Variants in APOBEC3B observed in about 807,000 individuals in gnomAD.
The protein encoded by APOBEC3B is DNA dC->dU-editing enzyme APOBEC-3B.
A neutral mutation model predicts 53.4 loss-of-function variants in APOBEC3B; 29 were observed. That is an observed-to-expected ratio of 0.54 (90% confidence interval 0.40 to 0.74). APOBEC3B has a LOEUF of 0.74. Ranked by LOEUF, APOBEC3B falls within the 30% of genes least tolerant of loss-of-function variation. The pLI, the probability that APOBEC3B is intolerant of heterozygous loss-of-function variation, is 0.00. For missense variants in APOBEC3B, 347 were observed against 496.2 expected (o/e 0.70, Z 2.86); for synonymous variants, 132 against 184.8 (o/e 0.71, Z 2.32).
At chr22:38,982,760 C>G (rs1396130478) in intron 1 of APOBEC3B, among the ~76,000 whole-genome samples, 2 of 148,872 alleles carry the variant, frequency 1.3e-5, no homozygotes, top group Non-Finnish European at 3.0e-5. Context: ...AGGGTGCTCC[C>G]TCTGTGTGCT....
Position 38,985,901 on chromosome 22 carries a change from C to T in APOBEC3B, c.264C>T (p.Ile88=), listed in dbSNP as rs1923713705. ...NQLPAYKCFQ[I]TWFVSWTPCP... The stretch of plus-strand genomic sequence containing the variant: ...TGCCTGCTTACAAGTGTTTCCAGAT[C>T]ACCTGGTTTGTATCCTGGACCCCCT... Residue 88 remains isoleucine, a synonymous_variant, in exon 3 of 8, where the codon ATC becomes ATT. Transcript: ENST00000333467. The T allele has an allele frequency of 6.2e-7, 1 of 1,600,328 alleles. No homozygotes were observed. The highest frequency in any genetic ancestry group is 1.4e-5 in the African/African-American group (1 of 73,984).
intron 7 of APOBEC3B, 106 bp from the exon 8 acceptor site, chr22:38,992,325 C>G: frequency 6.5e-7 from 1 of 1,538,416 alleles, no homozygotes; most frequent in Non-Finnish European, 8.8e-7. Flanking sequence ...CCACCTCCCG[C>G]ATCCCTCCCT....
At chr22:38,987,991 G>A (rs1448315282) in intron 4 of APOBEC3B, among the ~76,000 whole-genome samples, 2 of 148,466 alleles carry the variant, frequency 1.3e-5, no homozygotes, top group African/African-American at 4.9e-5. Flanking sequence ...CCAGCTACTT[G>A]GGAGGCTGAA....
intron 4 of APOBEC3B, among the ~76,000 whole-genome samples, chr22:38,987,475 C>CCGCCT (rs1923789001): frequency 6.7e-6 from 1 of 148,792 alleles, no homozygotes; most frequent in Non-Finnish European, 1.5e-5. Flanking sequence ...AGGGTGCTCC[C>CCGCCT]TGTATATGCT....
Position 38,986,303 on chromosome 22 carries a change from G to T in APOBEC3B, c.460G>T (p.Ala154Ser). 6.3e-6 allele frequency: 10 copies of T among 1,593,174 alleles called. 2 individuals carry two copies. Among genetic ancestry groups the T allele is most frequent in the Non-Finnish European group, 8.5e-6 (10 of 1,172,220 alleles). ...TTCCCGCTTCTTCATCTCAGAATTT[G>T]CATACTGCTGGGAAAACTTTGTGTA... is the stretch of plus-strand genomic sequence containing the variant. ...RVTIMDYEEFAYCWENFVYNE... is the reference protein window; with the variant it reads ...RVTIMDYEEFSYCWENFVYNE... Residue 154 changes from alanine (A) to serine (S), a missense_variant, in exon 4 of 8, where the codon GCA becomes TCA. Around this residue, in one of 5 missense-constraint regions of APOBEC3B, gnomAD observed 156 missense variants for 166.7 expected, o/e 0.94. Coordinates refer to ENST00000333467, the MANE Select transcript of APOBEC3B (RefSeq NM_004900.5).
intron 4 of APOBEC3B, among the ~76,000 whole-genome samples, chr22:38,988,740 T>TCTTTCTTTCTTTCTTC (rs1569039162): frequency 2.4e-5 from 3 of 127,472 alleles, no homozygotes; most frequent in African/African-American, 6.4e-5. Context: ...TTTCTTTCTT[T>TCTTTCTTTCTTTCTTC]CTTTCTTCCT....
chr22:38,983,015 C>T (rs1463454292), intron 1 of APOBEC3B, among the ~76,000 whole-genome samples: 1 of 148,416 alleles, frequency 6.7e-6, no homozygotes, highest in African/African-American at 2.5e-5. Context: ...GGTCACTCTT[C>T]ATCTTTTAGA....
At chr22:38,989,190 CG>C (rs1923890182) in intron 4 of APOBEC3B, among the ~76,000 whole-genome samples, 1 of 147,800 alleles carries the variant, frequency 6.8e-6, no homozygotes, top group South Asian at 2.2e-4. Flanking sequence ...GGGTCCTCCC[CG>C]GAGGGCCTGA....
In APOBEC3B at chr22:38,988,629, CT is replaced by C. The variant is rs1923831959; in HGVS notation, c.570-826del. 8.9e-5 allele frequency among the ~76,000 whole-genome samples: 13 copies of C among 145,754 alleles called. 2 individuals are homozygous for C. In the South Asian group the frequency reaches 1.4e-3, roughly 16 times the overall value. On this transcript the variant is annotated intron_variant, in intron 4 of 7. Coordinates refer to ENST00000333467, the MANE Select transcript of APOBEC3B (RefSeq NM_004900.5). ...GTGGCAAACAGAGATTCCTTCCTTC[CT>C]TCCTCCCTTCCTTCCTTCCTTCCTT...
rs1346965358 is a variant in APOBEC3B at position 38,985,064 on chromosome 22, G to A, written c.175-748G>A. ...TTACAGAAGGCTGCCACCACGCCCAGTTAATTTTTTCTATTTTTAGTTGAG... is the reference window on the plus strand; with the variant it reads ...TTACAGAAGGCTGCCACCACGCCCAATTAATTTTTTCTATTTTTAGTTGAG... On this transcript the variant is annotated intron_variant, in intron 2 of 7. Transcript: ENST00000333467. Among the ~76,000 whole-genome samples, 6 of 147,326 alleles carry A rather than the reference G, an allele frequency of 4.1e-5. 1 individual carries two copies. Among genetic ancestry groups the A allele is most frequent in the Non-Finnish European group, 7.5e-5 (5 of 66,948 alleles).
Position 38,985,795 on chromosome 22 carries a change from C to T in APOBEC3B, c.175-17C>T, listed in dbSNP as rs1331995286. On this transcript the variant is annotated splice_polypyrimidine_tract_variant and intron_variant, in intron 2 of 7. Transcript: ENST00000333467. ...TCCCCCTCTCAGAGCATCCCCTGCC[C>T]CCTGCTCCTCTCCCAGGTGTATTTC... 6 of 1,583,646 alleles carry T rather than the reference C, an allele frequency of 3.8e-6. No homozygotes were observed. Among genetic ancestry groups the T allele is most frequent in the Non-Finnish European group, 4.3e-6 (5 of 1,167,280 alleles).
Position 38,984,060 on chromosome 22 carries a change from C to A in APOBEC3B, c.18-15C>A. On this transcript the variant is annotated splice_polypyrimidine_tract_variant and intron_variant, in intron 1 of 7. Transcript: ENST00000333467. ...GGGCTCCCTGCATGGGCCGGTTTCT[C>A]TCTTGTGCCTTCAGAAATCCGATGG... 1 of 1,573,672 alleles carries A rather than the reference C, an allele frequency of 6.4e-7. No individual in the cohort carries two copies. The highest frequency in any genetic ancestry group is 8.6e-7 in the Non-Finnish European group (1 of 1,165,098).
chr22:38,992,549 G>A lies in APOBEC3B; in HGVS notation c.*104G>A, dbSNP rs1924054990. The A allele has an allele frequency of 7.5e-6, 12 of 1,606,570 alleles. No individual in the cohort carries two copies. The South Asian group carries it at 1.2e-4, about 16-fold the overall frequency. ...AACAGACCGTTCACCACCATCTCCA[G>A]CTGCTCACAGACACCAGCAAAGCAA... is the stretch of plus-strand genomic sequence containing the variant. On this transcript the variant is annotated 3_prime_UTR_variant, in exon 8 of 8. Transcript: ENST00000333467.
In APOBEC3B at chr22:38,987,135, G is replaced by A. The variant is rs151311607; in HGVS notation, c.569+723G>A. Among the ~76,000 whole-genome samples the A allele has an allele frequency of 2.2e-3, 325 of 148,982 alleles. 20 individuals carry two copies. The highest frequency in any genetic ancestry group is 7.5e-3 in the African/African-American group (308 of 41,030). Reference sequence around the variant, plus strand: ...GAATCCAAACCCAGGACTAACATCAGGGCCAAGACAAGCCTGCCAGGGAGG... The same window carrying A: ...GAATCCAAACCCAGGACTAACATCAAGGCCAAGACAAGCCTGCCAGGGAGG... On this transcript the variant is annotated intron_variant, in intron 4 of 7. Coordinates refer to ENST00000333467, the MANE Select transcript of APOBEC3B (RefSeq NM_004900.5).
intron 2 of APOBEC3B, among the ~76,000 whole-genome samples, chr22:38,985,239 G>GT (rs561781619): frequency 0.011 from 1,625 of 146,058 alleles, 102 homozygotes; most frequent in African/African-American, 0.038. Flanking sequence ...TTTTGTTTTG[G>GT]TTTTTTTTTA....
chr22:38,986,446 C>T (rs368980140), intron 4 of APOBEC3B, 34 bp downstream of exon 4: 4 of 1,582,684 alleles, frequency 2.5e-6, no homozygotes, highest in Non-Finnish European at 3.4e-6. Flanking sequence ...TCATCTCTCT[C>T]CTCTCACCTG....
At chr22:38,983,992 G>A (rs1431239269) in intron 1 of APOBEC3B, 83 bp from the exon 2 acceptor site, 3 of 1,476,584 alleles carry the variant, frequency 2.0e-6, no homozygotes, top group Non-Finnish European at 2.7e-6. Flanking sequence ...GGGCCATCCT[G>A]GGAGCTGTGT....
chr22:38,985,361 C>T (rs1225552311), intron 2 of APOBEC3B, among the ~76,000 whole-genome samples: 1 of 148,514 alleles, frequency 6.7e-6, no homozygotes, highest in Non-Finnish European at 1.5e-5. Context: ...TGAACAGTCA[C>T]ATGAGGGTGA....
At chr22:38,986,946 G>C (rs546418644) in intron 4 of APOBEC3B, among the ~76,000 whole-genome samples, 5 of 148,452 alleles carry the variant, frequency 3.4e-5, no homozygotes, top group African/African-American at 7.4e-5. Context: ...GGGACGGGGG[G>C]GGTCCCTGGG....
Sources: gnomAD v4.1 joint callset for allele counts (sites outside exome capture counted in the v4.1 genomes callset) on GRCh38, gnomAD v4.1.1 for gene constraint, gnomAD v4.1.1 regional missense constraint, MANE v1.5 for transcripts, NCBI Gene and HGNC (gene_info 2026-07-23, HGNC 2026-07-21) for gene names.